CFAP20DC: variants seen among roughly 807,000 people sequenced by gnomAD.
The protein encoded by CFAP20DC is protein CFAP20DC.
In CFAP20DC, 84 loss-of-function variants were observed where a neutral mutation model predicts 101.7. That is an observed-to-expected ratio of 0.83 (90% confidence interval 0.69 to 0.99). The LOEUF is 0.99. CFAP20DC is among the 50% of genes least tolerant of loss of function. The pLI is 0.00. For synonymous variants in CFAP20DC, 359 were observed against 351.2 expected, an observed-to-expected ratio of 1.02 and a Z score of -0.25; for missense variants, 1,007 against 970.3, an observed-to-expected ratio of 1.04 and a Z score of -0.50.
intron 4 of CFAP20DC, among the ~76,000 whole-genome samples, chr3:58,954,052 G>T (rs902286847): frequency 6.6e-6 from 1 of 152,142 alleles, no homozygotes; most frequent in African/African-American, 2.4e-5. Flanking sequence ...TGATCAGCAG[G>T]TTTATAACTC....
chr3:58,801,370 T>C (rs2073688739), intron 15 of CFAP20DC, among the ~76,000 whole-genome samples: 1 of 152,352 alleles, frequency 6.6e-6, no homozygotes, highest in East Asian at 1.9e-4. Context: ...AATAACACTA[T>C]GTTTTGAGAA....
At chr3:59,013,792 T>C (rs958275205) in intron 4 of CFAP20DC, among the ~76,000 whole-genome samples, 3 of 152,172 alleles carry the variant, frequency 2.0e-5, no homozygotes. Context: ...TTGGCTACCA[T>C]ATTTATGACA....
At chr3:58,746,611 A>T (rs1286172371) in intron 16 of CFAP20DC, among the ~76,000 whole-genome samples, 1 of 152,170 alleles carries the variant, frequency 6.6e-6, no homozygotes, top group Non-Finnish European at 1.5e-5. Flanking sequence ...CTGGAGCAAT[A>T]ACTGCGATAT....
chr3:58,902,902 T>A (rs1005709769), intron 6 of CFAP20DC, among the ~76,000 whole-genome samples: 7 of 152,114 alleles, frequency 4.6e-5, no homozygotes, highest in African/African-American at 1.4e-4. Context: ...GTTTTTTTAA[T>A]TTTTTTCCCC....
At chr3:58,804,108 A>T (rs931447326) in intron 15 of CFAP20DC, among the ~76,000 whole-genome samples, 1 of 152,234 alleles carries the variant, frequency 6.6e-6, no homozygotes, top group Non-Finnish European at 1.5e-5. Flanking sequence ...GGCTATAATG[A>T]GTCTTGTAAA....
intron 3 of CFAP20DC, among the ~76,000 whole-genome samples, chr3:58,718,890 C>T (rs1471809459): frequency 6.6e-6 from 1 of 152,096 alleles, no homozygotes; most frequent in African/African-American, 2.4e-5. Flanking sequence ...ACATGAAGTT[C>T]TGATTGGTTT....
At chr3:58,759,238 T>G (rs1254770484) in intron 15 of CFAP20DC, among the ~76,000 whole-genome samples, 8 of 152,218 alleles carry the variant, frequency 5.3e-5, no homozygotes, top group Non-Finnish European at 1.5e-5. Flanking sequence ...TTCTAACTGG[T>G]GTGAGATGGT....
chr3:58,756,912 C>A (rs1362527909), intron 15 of CFAP20DC, among the ~76,000 whole-genome samples: 1 of 152,066 alleles, frequency 6.6e-6, no homozygotes, highest in Admixed American at 6.6e-5. Flanking sequence ...TTTTTTACAG[C>A]AGCATAATAC....
rs1392658456 is a variant in CFAP20DC, at chr3:58,913,514, C to T, written c.550+194G>A. ...ACAACCACAAAAAGAAGATTAATAC[C>T]TTTTTTGTGACATTCAGCTATAGTA... On this transcript the variant is annotated intron_variant, in intron 6 of 16. Transcript: ENST00000482387. This position sits in a 1 kb window ranked among gnomAD's most constrained non-coding sequence, Gnocchi z 4.4. 11 of 621,014 alleles carry T rather than the reference C, an allele frequency of 1.8e-5. No individual in the cohort carries two copies. The highest frequency in any genetic ancestry group is 3.1e-5 in the Non-Finnish European group (11 of 355,718). The allele number at this position is 621,014 out of a possible 1,614,324, so 38.5% of individuals were successfully genotyped here.
chr3:58,743,375 T>G (rs1199906254), intron 16 of CFAP20DC, among the ~76,000 whole-genome samples: 3 of 152,194 alleles, frequency 2.0e-5, no homozygotes, highest in African/African-American at 7.2e-5. Context: ...GCATTCTGAG[T>G]ACTTCTGAAA....
intron 4 of CFAP20DC, among the ~76,000 whole-genome samples, chr3:58,983,998 A>C (rs2092672628): frequency 6.6e-6 from 1 of 152,212 alleles, no homozygotes; most frequent in Non-Finnish European, 1.5e-5. Flanking sequence ...GCATGATTTC[A>C]GGAGTTAAGT....
At chr3:58,905,547 A>G (rs1191244197) in intron 6 of CFAP20DC, among the ~76,000 whole-genome samples, 1 of 152,226 alleles carries the variant, frequency 6.6e-6, no homozygotes, top group Non-Finnish European at 1.5e-5. Context: ...AAGATTCCAA[A>G]AAATTCACTT....
downstream of CFAP20DC, among the ~76,000 whole-genome samples, chr3:58,741,338 A>G (rs2067877626): frequency 6.6e-6 from 1 of 152,104 alleles, no homozygotes; most frequent in Admixed American, 6.5e-5. Flanking sequence ...ACGGACATCA[A>G]CTGAAAAACC....
rs534122712 is a variant in CFAP20DC at position 58,980,631 on chromosome 3, A to G, written c.279-42869T>C. On this transcript the variant is annotated intron_variant, in intron 4 of 16. Coordinates refer to ENST00000482387, the MANE Select transcript of CFAP20DC (RefSeq NM_001394063.1). Reference sequence around the variant, plus strand: ...ACATGATTATCTCAATAGATGCAGAAAAGGCCTTTGACAAAATTCAACAAT... The same window carrying G: ...ACATGATTATCTCAATAGATGCAGAGAAGGCCTTTGACAAAATTCAACAAT... Among the ~76,000 whole-genome samples the G allele has an allele frequency of 8.5e-5, 13 of 152,346 alleles. No homozygotes were observed. In the East Asian group the frequency reaches 2.5e-3, roughly 29 times the overall value.
intron 16 of CFAP20DC, among the ~76,000 whole-genome samples, chr3:58,744,039 T>C (rs2068030818): frequency 6.6e-6 from 1 of 152,212 alleles, no homozygotes; most frequent in South Asian, 2.1e-4. Flanking sequence ...CTGATTCTTG[T>C]GAGTTGAGTG....
intron 3 of CFAP20DC, among the ~76,000 whole-genome samples, chr3:58,736,843 G>T (rs538720712): frequency 5.9e-5 from 9 of 152,182 alleles, no homozygotes; most frequent in Non-Finnish European, 1.0e-4. Context: ...AACTGCAGAA[G>T]AATATGTCAG....
At chr3:58,828,243 A>G (rs1018736744) in intron 14 of CFAP20DC, among the ~76,000 whole-genome samples, 2 of 152,210 alleles carry the variant, frequency 1.3e-5, no homozygotes, top group African/African-American at 2.4e-5. Context: ...ACTAATGTGA[A>G]TAATAATGAT....
intron 7 of CFAP20DC, among the ~76,000 whole-genome samples, chr3:58,872,314 A>G (rs916443486): frequency 4.6e-5 from 7 of 152,076 alleles, no homozygotes; most frequent in Admixed American, 6.5e-5. Context: ...TGGTCTCATT[A>G]GCCTCTGCTG....
In CFAP20DC at chr3:58,728,010, G is replaced by A. The variant is rs2067581002; in HGVS notation, c.198-10382C>T. The A allele has an allele frequency of 6.6e-6, 1 of 152,234 alleles. No individual in the cohort carries two copies. Among genetic ancestry groups the A allele is most frequent in the South Asian group, 2.1e-4 (1 of 4,828 alleles). The allele number at this position is 152,234 out of a possible 1,614,324, so 9.4% of individuals were successfully genotyped here. On this transcript the variant is annotated intron_variant, in intron 3 of 3. Transcript: ENST00000486145. The surrounding 1 kb of genome is among the most constrained non-coding windows in gnomAD (Gnocchi z 4.7). ...ATTGGCTAAAGAAGCAGGTCATGTAGTCAAACTTCATTTCAAGTGGGCCAC... is the reference window on the plus strand; with the variant it reads ...ATTGGCTAAAGAAGCAGGTCATGTAATCAAACTTCATTTCAAGTGGGCCAC...
Sources: gnomAD v4.1 joint callset for allele counts (sites outside exome capture counted in the v4.1 genomes callset) on GRCh38, gnomAD v4.1.1 for gene constraint, Gnocchi (gnomAD v3.1) non-coding constraint, MANE v1.5 for transcripts, NCBI Gene and HGNC (gene_info 2026-07-23, HGNC 2026-07-21) for gene names.